Variants in GDA observed in about 807,000 individuals in gnomAD.
GDA encodes the protein cytoplasmic PSD-95 interactor.
GDA carries 18 observed loss-of-function variants against 59.6 expected under a neutral mutation model. The observed-to-expected ratio is 0.30, with a 90% CI of 0.21 to 0.45. The LOEUF (loss-of-function observed/expected upper bound fraction) is 0.45. Among genes scored for constraint, GDA ranks in the 20% least tolerant of loss-of-function variants. GDA has a pLI of 1.00. For missense variants in GDA, 427 were observed against 552.3 expected, an observed-to-expected ratio of 0.77 and a Z score of 2.27; for synonymous variants, 201 against 201.1, an observed-to-expected ratio of 1.00 and a Z score of 0.00.
chr9:72,163,119 C>T (rs1828859848), intron 1 of GDA, among the ~76,000 whole-genome samples: 1 of 152,060 alleles, frequency 6.6e-6, no homozygotes, highest in Non-Finnish European at 1.5e-5. Context: ...AAACAGGGAG[C>T]TCTGTGAGAT....
rs1018265624 is a variant in GDA, at chr9:72,250,957, A to G, written c.*2615A>G. The G allele has an allele frequency of 3.9e-6, 3 of 777,876 alleles. No individual in the cohort carries two copies. Among genetic ancestry groups the G allele is most frequent in the African/African-American group, 1.7e-5 (1 of 57,588 alleles). The allele number at this position is 777,876 out of a possible 1,614,324, so 48.2% of individuals were successfully genotyped here. The stretch of plus-strand genomic sequence containing the variant: ...TTTCATTTTCAAACGAGAGGGAAAC[A>G]TGGGAAGTAAAAGATTAGGATGTGA... On this transcript the variant is annotated 3_prime_UTR_variant, in exon 14 of 14. Transcript: ENST00000358399.
At chr9:72,149,715 G>T in intron 1 of GDA, 33 bp downstream of exon 1, 1 of 1,566,742 alleles carries the variant, frequency 6.4e-7, no homozygotes, top group Non-Finnish European at 8.6e-7. Context: ...GCACTCCGAC[G>T]GGCGGGAGGA....
intron 1 of GDA, among the ~76,000 whole-genome samples, chr9:72,156,450 G>C (rs1485963579): frequency 2.0e-5 from 3 of 152,164 alleles, no homozygotes; most frequent in South Asian, 4.1e-4. Flanking sequence ...ATATGCTGTT[G>C]GTCCTGAGAA....
intron 1 of GDA, among the ~76,000 whole-genome samples, chr9:72,179,439 G>T (rs545854470): frequency 2.0e-5 from 3 of 152,322 alleles, no homozygotes; most frequent in Admixed American, 6.5e-5. Context: ...AAATCAGAGA[G>T]GTTAAGGGAT....
intron 2 of GDA, among the ~76,000 whole-genome samples, chr9:72,196,134 G>T (rs1321224442): frequency 1.3e-5 from 2 of 151,406 alleles, no homozygotes; most frequent in South Asian, 2.1e-4. Context: ...TTTAATATTC[G>T]TTATATTTCA....
In GDA at chr9:72,213,532, G is replaced by A. The variant is rs181970031; in HGVS notation, c.473-354G>A. Among the ~76,000 whole-genome samples the A allele has an allele frequency of 1.3e-3, 195 of 151,836 alleles. 2 individuals carry two copies. The highest frequency in any genetic ancestry group is 6.3e-4 in the Non-Finnish European group (43 of 67,920). Reference sequence around the variant, plus strand: ...AAAAAGTACTGTTTTGGCCGGGCGCGGTGGCTCACGCCTGTAATCCCAGCA... The same window carrying A: ...AAAAAGTACTGTTTTGGCCGGGCGCAGTGGCTCACGCCTGTAATCCCAGCA... On this transcript the variant is annotated intron_variant, in intron 4 of 13. Transcript: ENST00000358399.
chr9:72,165,941 A>C (rs889378445), intron 1 of GDA, among the ~76,000 whole-genome samples: 1 of 151,928 alleles, frequency 6.6e-6, no homozygotes, highest in Non-Finnish European at 1.5e-5. Flanking sequence ...TTCCTAGTTA[A>C]GCATTTTAAG....
downstream of GDA, chr9:72,253,374 C>T (rs1325815981): frequency 6.6e-6 from 1 of 152,156 alleles, no homozygotes; most frequent in Non-Finnish European, 1.5e-5. Context: ...CGTCAAGTAT[C>T]CCCTAGGTAT....
intron 1 of GDA, among the ~76,000 whole-genome samples, chr9:72,143,798 T>C (rs1319224613): frequency 6.6e-6 from 1 of 152,230 alleles, no homozygotes; most frequent in Non-Finnish European, 1.5e-5. Context: ...TGAACTTTTC[T>C]AAACAAACCA....
In GDA at chr9:72,149,957, A is replaced by G. The variant is rs1376334943; in HGVS notation, c.123+275A>G. 5.9e-5 allele frequency among the ~76,000 whole-genome samples: 9 copies of G among 152,272 alleles called. No individual in the cohort carries two copies. In the East Asian group the frequency reaches 1.6e-3, roughly 26 times the overall value. On this transcript the variant is annotated intron_variant, in intron 1 of 13. Coordinates refer to ENST00000358399, the MANE Select transcript of GDA (RefSeq NM_004293.5). ...CCGGGCTGCGGTAGAGCCGGGAGCA[A>G]GGATGTCACCCCCCGCTCCCCCGCC...
At chr9:72,173,870 A>C (rs1830261863) in intron 1 of GDA, among the ~76,000 whole-genome samples, 1 of 151,930 alleles carries the variant, frequency 6.6e-6, no homozygotes, top group Non-Finnish European at 1.5e-5. Flanking sequence ...GTGTACTAGC[A>C]AGTTGTGTGG....
At chr9:72,246,887 A>G (rs1057091768) in intron 12 of GDA, among the ~76,000 whole-genome samples, 1 of 152,108 alleles carries the variant, frequency 6.6e-6, no homozygotes, top group Non-Finnish European at 1.5e-5. Context: ...TTCTTATATC[A>G]GGGGTGTCCA....
chr9:72,121,533 G>A (rs755712820), intron 1 of GDA, among the ~76,000 whole-genome samples: 1 of 152,178 alleles, frequency 6.6e-6, no homozygotes, highest in Non-Finnish European at 1.5e-5. Flanking sequence ...GGAGGCGGAG[G>A]TTGCAGTGAG....
At chr9:72,215,561 G>T (rs1216992316) in intron 5 of GDA, among the ~76,000 whole-genome samples, 5 of 152,090 alleles carry the variant, frequency 3.3e-5, no homozygotes, top group Admixed American at 6.6e-5. Context: ...CTGAAATGCA[G>T]GCATACAGGA....
chr9:72,157,527 A>T (rs973026170), intron 1 of GDA, among the ~76,000 whole-genome samples: 6 of 152,188 alleles, frequency 3.9e-5, no homozygotes, highest in African/African-American at 1.4e-4. Context: ...CCATATCAAT[A>T]GTCAAGCCCA....
At chr9:72,160,957 A>G (rs1828547774) in intron 1 of GDA, among the ~76,000 whole-genome samples, 1 of 152,150 alleles carries the variant, frequency 6.6e-6, no homozygotes, top group African/African-American at 2.4e-5. Flanking sequence ...CCACAGGCAG[A>G]GTGCAGTGGT....
chr9:72,132,875 A>C (rs938315811), intron 1 of GDA, among the ~76,000 whole-genome samples: 1 of 152,194 alleles, frequency 6.6e-6, no homozygotes, highest in South Asian at 2.1e-4. Context: ...GCACTTGACT[A>C]TGAGATGGGT....
At chr9:72,209,941 C>T (rs1835158532) in intron 3 of GDA, among the ~76,000 whole-genome samples, 1 of 152,130 alleles carries the variant, frequency 6.6e-6, no homozygotes, top group Admixed American at 6.5e-5. Context: ...CTCTGCTTTA[C>T]CTTCTCTTTT....
At chr9:72,117,417 T>C (rs1825492863) in intron 1 of GDA, among the ~76,000 whole-genome samples, 1 of 152,068 alleles carries the variant, frequency 6.6e-6, no homozygotes, top group Admixed American at 6.5e-5. Flanking sequence ...ACAATCTCTC[T>C]CTTTCTCCCC....
Sources: allele counts gnomAD v4.1 joint callset (sites outside exome capture counted in the v4.1 genomes callset), GRCh38; gene constraint gnomAD v4.1.1; transcripts MANE v1.5; gene names NCBI Gene and HGNC (gene_info 2026-07-23, HGNC 2026-07-21).